Variants in TPST1 observed in about 807,000 individuals in gnomAD.
TPST1 encodes the protein protein-tyrosine sulfotransferase 1.
A neutral mutation model predicts 34.8 loss-of-function variants in TPST1; 20 were observed. The observed-to-expected ratio is 0.57, with a 90% CI of 0.40 to 0.84. The LOEUF is 0.84. Among genes scored for constraint, TPST1 ranks in the 40% least tolerant of loss-of-function variants. The probability of loss-of-function intolerance (pLI) is 0.00; values close to 1 mark genes in which losing one functional copy is unlikely to be tolerated. For synonymous variants in TPST1, 152 were observed against 159.4 expected, an observed-to-expected ratio of 0.95 and a Z score of 0.35; for missense variants, 353 against 455.5, an observed-to-expected ratio of 0.78 and a Z score of 2.05.
chr7:66,214,024 A>G (rs1488472086), intron 1 of TPST1, among the ~76,000 whole-genome samples: 2 of 152,198 alleles, frequency 1.3e-5, no homozygotes, highest in Non-Finnish European at 2.9e-5. Context: ...TTATTGAGAT[A>G]TAATTCACAT....
intron 3 of TPST1, among the ~76,000 whole-genome samples, chr7:66,340,761 G>GATACTTC (rs949036660): frequency 6.6e-6 from 1 of 152,156 alleles, no homozygotes; most frequent in African/African-American, 2.4e-5. Context: ...AAAATGAAAA[G>GATACTTC]ATACTTCATA....
chr7:66,350,967 A>G (rs1371463021), intron 3 of TPST1, among the ~76,000 whole-genome samples: 1 of 152,226 alleles, frequency 6.6e-6, no homozygotes, highest in East Asian at 1.9e-4. Context: ...CACATACAGT[A>G]TACCAATCAT....
At chr7:66,331,625 T>C (rs1202805433) in intron 3 of TPST1, among the ~76,000 whole-genome samples, 1 of 152,210 alleles carries the variant, frequency 6.6e-6, no homozygotes, top group Admixed American at 6.5e-5. Flanking sequence ...AAATTAGCAA[T>C]TGTGTGTTAT....
intron 2 of TPST1, among the ~76,000 whole-genome samples, chr7:66,273,949 T>C (rs1031473940): frequency 5.3e-5 from 8 of 152,104 alleles, no homozygotes; most frequent in Non-Finnish European, 1.0e-4. Flanking sequence ...ACTGCAGGCA[T>C]GTGCCACCAT....
upstream of TPST1, among the ~76,000 whole-genome samples, chr7:66,204,765 G>A (rs1789086465): frequency 6.6e-6 from 1 of 152,200 alleles, no homozygotes; most frequent in South Asian, 2.1e-4. Flanking sequence ...CTCTGTGGTT[G>A]GGAGGGACTA....
At chr7:66,297,178 T>C (rs1317395573) in intron 3 of TPST1, among the ~76,000 whole-genome samples, 1 of 152,196 alleles carries the variant, frequency 6.6e-6, no homozygotes, top group Admixed American at 6.5e-5. Flanking sequence ...CATCCACTCA[T>C]AGGGCTTTCA....
intron 1 of TPST1, among the ~76,000 whole-genome samples, chr7:66,237,700 C>T (rs574776854): frequency 7.2e-4 from 110 of 151,928 alleles, no homozygotes; most frequent in Non-Finnish European, 1.4e-3. Context: ...GTGGGTAACG[C>T]GCATGCCCAC....
chr7:66,227,589 C>A lies in TPST1; in HGVS notation c.-101-12736C>A, dbSNP rs190253620. Among the ~76,000 whole-genome samples the A allele has an allele frequency of 2.0e-5, 3 of 151,540 alleles. No individual in the cohort carries two copies. The East Asian group carries it at 5.9e-4, about 30-fold the overall frequency. ...TAAAAACAAGGACCCCTCTGGATGC[C>A]GAGTTGAGAATAGACTCTAATGGGC... On this transcript the variant is annotated intron_variant, in intron 1 of 5. Transcript: ENST00000304842.
intron 1 of TPST1, among the ~76,000 whole-genome samples, chr7:66,223,672 G>A (rs1789592029): frequency 6.6e-6 from 1 of 152,008 alleles, no homozygotes; most frequent in Admixed American, 6.6e-5. Flanking sequence ...GAGAAGTTTG[G>A]AACTTGGTAA....
At chr7:66,229,944 C>T (rs1446288972) in intron 1 of TPST1, among the ~76,000 whole-genome samples, 1 of 151,988 alleles carries the variant, frequency 6.6e-6, no homozygotes, top group Non-Finnish European at 1.5e-5. Flanking sequence ...CTAGTCACTT[C>T]TTGGGAGGCC....
intron 3 of TPST1, among the ~76,000 whole-genome samples, chr7:66,343,723 A>AAG (rs1792286193): frequency 6.6e-6 from 1 of 152,224 alleles, no homozygotes; most frequent in Non-Finnish European, 1.5e-5. Flanking sequence ...AAAAACTTAC[A>AAG]AGACATGCTA....
At chr7:66,199,693 G>A in the TPST1 span, among the ~76,000 whole-genome samples, 5 of 146,956 alleles carry the variant, frequency 3.4e-5, no homozygotes, top group Non-Finnish European at 5.9e-5. Context: ...ATGCCATGAA[G>A]AGAGCTTTGC....
At chr7:66,202,620 A>G (rs118002683), upstream of TPST1, among the ~76,000 whole-genome samples, 1,066 of 152,278 alleles carry the variant, frequency 7.0e-3, 19 homozygotes, top group East Asian at 0.04. Flanking sequence ...TGGCTTCCGT[A>G]TTACTGAGGC....
At chr7:66,306,547 G>A (rs1791427135) in intron 3 of TPST1, among the ~76,000 whole-genome samples, 1 of 152,154 alleles carries the variant, frequency 6.6e-6, no homozygotes, top group South Asian at 2.1e-4. Context: ...TACGTGTGCT[G>A]CTTAGTGACT....
At chr7:66,356,107 G>A (rs899634597) in intron 4 of TPST1, among the ~76,000 whole-genome samples, 2 of 151,908 alleles carry the variant, frequency 1.3e-5, no homozygotes, top group Non-Finnish European at 2.9e-5. Flanking sequence ...GGGCCCATAA[G>A]GTCTTCAGTT....
chr7:66,356,336 G>A (rs563332619), intron 4 of TPST1, among the ~76,000 whole-genome samples: 3 of 152,246 alleles, frequency 2.0e-5, no homozygotes, highest in South Asian at 2.1e-4. Flanking sequence ...TCACCCTCCC[G>A]GCACACCCAT....
chr7:66,308,965 C>G (rs892165358), intron 3 of TPST1, among the ~76,000 whole-genome samples: 4 of 152,230 alleles, frequency 2.6e-5, no homozygotes, highest in Non-Finnish European at 5.9e-5. Flanking sequence ...ATGGCACTGT[C>G]TCAGCTCATT....
At chr7:66,204,967 C>T (rs1253221212), upstream of TPST1, among the ~76,000 whole-genome samples, 3 of 152,392 alleles carry the variant, frequency 2.0e-5, no homozygotes, top group African/African-American at 7.2e-5. Flanking sequence ...ATGAAGGCCT[C>T]TGGGACACCC....
chr7:66,215,866 G>A (rs1248278253), intron 1 of TPST1, among the ~76,000 whole-genome samples: 2 of 149,736 alleles, frequency 1.3e-5, no homozygotes, highest in African/African-American at 4.9e-5. Context: ...TCCACCTCCT[G>A]GGTTCACGCC....
Sources: gnomAD v4.1 joint callset for allele counts (sites outside exome capture counted in the v4.1 genomes callset) on GRCh38, gnomAD v4.1.1 for gene constraint, MANE v1.5 for transcripts, NCBI Gene and HGNC (gene_info 2026-07-23, HGNC 2026-07-21) for gene names.